The following PA2G4 variants were observed in gnomAD, a reference collection of about 807,000 sequenced individuals.
PA2G4 encodes the protein proliferation-associated protein 2G4.
Under a neutral mutation model 53.3 loss-of-function variants are expected in PA2G4, and 8 were observed. That is an observed-to-expected ratio of 0.15 (90% CI 0.09 to 0.27). The LOEUF (loss-of-function observed/expected upper bound fraction) is 0.27, where lower values mean the gene tolerates loss of function less well. Ranked by LOEUF, PA2G4 falls within the 10% of genes least tolerant of loss-of-function variation. The pLI, the probability that PA2G4 is intolerant of heterozygous loss-of-function variation, is 1.00. For missense variants in PA2G4, 208 were observed against 486.8 expected (o/e 0.43, Z 5.39); for synonymous variants, 143 against 169.8 (o/e 0.84, Z 1.23).
chr12:56,105,679 C>G (rs1592234905), intron 1 of PA2G4, among the ~76,000 whole-genome samples: 1 of 152,228 alleles, frequency 6.6e-6, no homozygotes, highest in Non-Finnish European at 1.5e-5. Flanking sequence ...CACAAGTCAT[C>G]CTTACTCCAG....
intron 1 of PA2G4, among the ~76,000 whole-genome samples, chr12:56,105,761 G>A (rs993709888): frequency 6.6e-6 from 1 of 152,170 alleles, no homozygotes. Flanking sequence ...TCTCTTTCCA[G>A]TTAGCCTTTC....
chr12:56,105,127 C>G, intron 1 of PA2G4: 1 of 638,650 alleles, frequency 1.6e-6, no homozygotes, highest in South Asian at 1.5e-5. Context: ...TGTTCCTATC[C>G]TTCATTCCCG....
At position 56,107,591 on chromosome 12, in the gene PA2G4, G is replaced by A. The variant is rs1313191144; in HGVS notation, c.464G>A (p.Arg155His). Reference protein sequence around the residue: ...AAHLCAEAALRLVKPGNQNTQ... With the variant: ...AAHLCAEAALHLVKPGNQNTQ... ...CACCTTTGTGCTGAAGCTGCCCTAC[G>A]CCTGGTCAAACCTGGAAATCAGGTA... Residue 155 changes from arginine to histidine, a missense_variant, in exon 5 of 13, where the codon CGC becomes CAC. By Grantham distance (29) the Arg-to-His change is conservative. Coordinates refer to ENST00000303305, the MANE Select transcript of PA2G4 (RefSeq NM_006191.3). 4.3e-6 allele frequency: 7 copies of A among 1,613,032 alleles called. No homozygotes were observed. Among genetic ancestry groups the A allele is most frequent in the Non-Finnish European group, 3.4e-6 (4 of 1,179,124 alleles).
chr12:56,109,920 C>T lies in PA2G4; in HGVS notation c.614C>T (p.Pro205Leu). The T allele has an allele frequency of 6.2e-7, 1 of 1,613,438 alleles. No homozygotes were observed. ...IDGEKTIIQN[P>L]TDQQKKDHEK... ...GGAGAAAAAACCATTATCCAGAATC[C>T]CACAGACCAGCAGAAGTAGGTGCCA... is the stretch of plus-strand genomic sequence containing the variant. The change falls in exon 7 of 13, where the codon CCC becomes CTC. Residue 205 changes from proline (P) to leucine (L), a missense_variant. By Grantham distance (98) the Pro-to-Leu change is moderately conservative (BLOSUM62 -3). Coordinates refer to ENST00000303305, the MANE Select transcript of PA2G4 (RefSeq NM_006191.3).
intron 3 of PA2G4, 37 bp downstream of exon 3, chr12:56,107,132 TA>T: frequency 6.2e-7 from 1 of 1,606,046 alleles, no homozygotes; most frequent in Non-Finnish European, 8.5e-7. Flanking sequence ...TTTCTTTTTT[TA>T]AAGCATTTAC....
rs766555800 is a variant in PA2G4, at chr12:56,107,015, G to A, written c.243G>A (p.Ser81=). ...GTATTGCTTTTCCCACCAGCATTTC[G>A]GTAAATAACTGTGTATGTCACTTCT... The part of the protein sequence containing the change: ...KKGIAFPTSI[S]VNNCVCHFSP... Residue 81 remains serine, a synonymous_variant, in exon 3 of 13, where the codon TCG becomes TCA. Transcript: ENST00000303305. 3.2e-5 allele frequency: 51 copies of A among 1,613,174 alleles called. No homozygotes were observed. The highest frequency in any genetic ancestry group is 1.9e-4 in the South Asian group (17 of 91,036).
At position 56,110,943 on chromosome 12, in the gene PA2G4, G is replaced by C. The variant is rs774066201; in HGVS notation, c.843-21G>C. 8 of 1,605,936 alleles carry C rather than the reference G, an allele frequency of 5.0e-6. No individual in the cohort carries two copies. The Admixed American group carries it at 1.0e-4, about 20-fold the overall frequency. ...TTGATGGGGAGTTAAAGATACCTCTGAATATCATCTTCCCTGCCAGAGCAT... is the reference window on the plus strand; with the variant it reads ...TTGATGGGGAGTTAAAGATACCTCTCAATATCATCTTCCCTGCCAGAGCAT... On this transcript the variant is annotated intron_variant, in intron 9 of 12. Transcript: ENST00000303305.
intron 12 of PA2G4, among the ~76,000 whole-genome samples, chr12:56,112,482 G>A (rs1043949065): frequency 6.6e-6 from 1 of 152,200 alleles, no homozygotes; most frequent in African/African-American, 2.4e-5. Flanking sequence ...TTATGGCTGG[G>A]TGTGGTGGTT....
intron 4 of PA2G4, 73 bp downstream of exon 4, chr12:56,107,329 C>T: frequency 8.5e-7 from 1 of 1,173,450 alleles, no homozygotes; most frequent in Non-Finnish European, 1.3e-6. Context: ...TTCTTATCCC[C>T]ACCCCCAATC....
chr12:56,110,541 CTTAAA>C lies in PA2G4; in HGVS notation c.709-14_709-10del, dbSNP rs1565864858. On this transcript the variant is annotated splice_polypyrimidine_tract_variant and intron_variant, in intron 8 of 12. Coordinates refer to ENST00000303305, the MANE Select transcript of PA2G4 (RefSeq NM_006191.3). ...AGAGTGTTCACCAGACCAAATGTTA[CTTAAA>C]TTACTCTTTCAGGCCAAGGATGCAG... 1.2e-6 allele frequency: 2 copies of C among 1,614,040 alleles called. No individual in the cohort carries two copies. The highest frequency in any genetic ancestry group is 1.7e-6 in the Non-Finnish European group (2 of 1,179,976).
At chr12:56,105,656 A>G (rs944348182) in intron 1 of PA2G4, among the ~76,000 whole-genome samples, 1 of 152,232 alleles carries the variant, frequency 6.6e-6, no homozygotes, top group East Asian at 1.9e-4. Flanking sequence ...GGGAGGACTG[A>G]TTTTAGGATT....
intron 11 of PA2G4, 80 bp from the exon 12 acceptor site, chr12:56,111,396 C>A: frequency 6.3e-7 from 1 of 1,599,646 alleles, no homozygotes; most frequent in Non-Finnish European, 8.6e-7. Context: ...CTGAAAAGAG[C>A]TGCAGTACTG....
intron 12 of PA2G4, 131 bp from the exon 13 acceptor site, chr12:56,112,692 A>C: frequency 1.5e-6 from 1 of 645,570 alleles, no homozygotes; most frequent in Non-Finnish European, 2.7e-6. Flanking sequence ...GGGAAGTGGT[A>C]CCACTGCACT....
Position 56,104,723 on chromosome 12 carries a change from G to T in PA2G4, c.-15G>T. On this transcript the variant is annotated 5_prime_UTR_variant, in exon 1 of 13. Coordinates refer to ENST00000303305, the MANE Select transcript of PA2G4 (RefSeq NM_006191.3). ...GGCTCAGGGGAAACGAGGCTGCAGTGGTGGTAGTAGGAAGATGTCGGGCGA... is the reference window on the plus strand; with the variant it reads ...GGCTCAGGGGAAACGAGGCTGCAGTTGTGGTAGTAGGAAGATGTCGGGCGA... 6.2e-7 allele frequency: 1 copy of T among 1,611,522 alleles called. No homozygotes were observed. The highest frequency in any genetic ancestry group is 8.5e-7 in the Non-Finnish European group (1 of 1,177,872).
chr12:56,104,660 C>T lies in PA2G4; in HGVS notation c.-78C>T, dbSNP rs780651026. On this transcript the variant is annotated 5_prime_UTR_variant, in exon 1 of 13. Coordinates refer to ENST00000303305, the MANE Select transcript of PA2G4 (RefSeq NM_006191.3). ...CCTCGAGGATCGAGGGGACTCTGAC[C>T]ACAGCCTGTGGCTGGGAAGGGAGAC... 6.7e-6 allele frequency: 9 copies of T among 1,343,838 alleles called. No individual in the cohort carries two copies. The East Asian group carries it at 1.4e-4, about 21-fold the overall frequency. 83.2% of individuals were successfully genotyped at this position (1,343,838 alleles called of 1,614,324 possible). A position where few individuals can be genotyped will look rare whatever the true frequency, so the allele number is the denominator to read the frequency against.
chr12:56,110,812 C>T (rs1869405136), intron 9 of PA2G4, 120 bp downstream of exon 9: 10 of 1,332,146 alleles, frequency 7.5e-6, no homozygotes, highest in Non-Finnish European at 9.6e-6. Flanking sequence ...CCCTCCCTCT[C>T]TCTCCCCATC....
At position 56,112,911 on chromosome 12, in the gene PA2G4, T is replaced by G; in HGVS notation, c.*23T>G. ...TGAGGTGGGTCCCATCTCCCCAGCT[T>G]GCTGCTCCTGCCTCATCCCCTTCCC... is the stretch of plus-strand genomic sequence containing the variant. On this transcript the variant is annotated 3_prime_UTR_variant, in exon 13 of 13. Coordinates refer to ENST00000303305, the MANE Select transcript of PA2G4 (RefSeq NM_006191.3). 6.8e-7 allele frequency: 1 copy of G among 1,472,594 alleles called. No homozygotes were observed. Among genetic ancestry groups the G allele is most frequent in the African/African-American group, 1.5e-5 (1 of 68,402 alleles). The allele number at this position is 1,472,594 out of a possible 1,614,324, so 91.2% of individuals were successfully genotyped here. A position where few individuals can be genotyped will look rare whatever the true frequency, so the allele number is the denominator to read the frequency against.
chr12:56,105,408 C>T (rs1013412719), intron 1 of PA2G4, among the ~76,000 whole-genome samples: 2 of 152,182 alleles, frequency 1.3e-5, no homozygotes, highest in Admixed American at 1.3e-4. Flanking sequence ...TGGTGGGGGC[C>T]CCCTTCTACC....
At position 56,111,145 on chromosome 12, in the gene PA2G4, A is replaced by G. The variant is rs772833488; in HGVS notation, c.938-37A>G. ...TCAGAAGAGCTAAGTATGACAAAGGAACTTTTTATCAAAACACATCTTCAT... is the reference window on the plus strand; with the variant it reads ...TCAGAAGAGCTAAGTATGACAAAGGGACTTTTTATCAAAACACATCTTCAT... On this transcript the variant is annotated intron_variant, in intron 10 of 12. Coordinates refer to ENST00000303305, the MANE Select transcript of PA2G4 (RefSeq NM_006191.3). The G allele has an allele frequency of 1.9e-6, 3 of 1,614,118 alleles. No homozygotes were observed. In the East Asian group the frequency reaches 6.7e-5, roughly 36 times the overall value.
Sources: gnomAD v4.1 joint callset for allele counts (sites outside exome capture counted in the v4.1 genomes callset) on GRCh38, gnomAD v4.1.1 for gene constraint, MANE v1.5 for transcripts, NCBI Gene and HGNC (gene_info 2026-07-23, HGNC 2026-07-21) for gene names.